NUP107: variants seen among roughly 807,000 people sequenced by gnomAD.
NUP107 encodes the protein nucleoporin 107.
A neutral mutation model predicts 141.0 loss-of-function variants in NUP107; 101 were observed. The ratio of observed to expected loss-of-function variants is 0.72; its 90% confidence interval spans 0.61 to 0.84. The LOEUF is 0.84. NUP107 is among the 40% of genes least tolerant of loss of function. NUP107 has a pLI of 0.00. For synonymous variants in NUP107, 319 were observed against 363.9 expected (o/e 0.88, Z 1.41); for missense variants, 941 against 1,102.7 (o/e 0.85, Z 2.08).
chr12:68,738,281 A>C (rs1402285648), intron 26 of NUP107, among the ~76,000 whole-genome samples: 2 of 151,482 alleles, frequency 1.3e-5, no homozygotes, highest in African/African-American at 4.9e-5. Flanking sequence ...TCTCAAAAAT[A>C]AAAATAAAAA....
chr12:68,721,527 G>T lies in NUP107; in HGVS notation c.1312-314G>T, dbSNP rs551254929. Reference sequence around the variant, plus strand: ...TGAGTCCTTGGGTTGTCTTACATACGCATGTTTTCTCACAACCCACTACTC... The same window carrying T: ...TGAGTCCTTGGGTTGTCTTACATACTCATGTTTTCTCACAACCCACTACTC... On this transcript the variant is annotated intron_variant, in intron 15 of 27. Transcript: ENST00000229179. Among the ~76,000 whole-genome samples the T allele has an allele frequency of 7.5e-4, 114 of 152,046 alleles. 1 individual carries two copies. The highest frequency in any genetic ancestry group is 3.2e-3 in the Admixed American group (49 of 15,254).
intron 6 of NUP107, among the ~76,000 whole-genome samples, chr12:68,698,671 G>T (rs534949237): frequency 2.0e-5 from 3 of 152,168 alleles, no homozygotes; most frequent in African/African-American, 7.2e-5. Flanking sequence ...ATTGCTAAGT[G>T]AAAGAAGCCA....
At chr12:68,735,174 A>G (rs1396261818) in intron 25 of NUP107, 57 bp from the exon 26 acceptor site, 25 of 1,156,906 alleles carry the variant, frequency 2.2e-5, no homozygotes, top group Non-Finnish European at 2.9e-5. Flanking sequence ...GTATTTTCCA[A>G]ATACATTATT....
intron 14 of NUP107, among the ~76,000 whole-genome samples, chr12:68,720,807 A>G (rs1282263464): frequency 1.3e-5 from 2 of 152,190 alleles, no homozygotes; most frequent in African/African-American, 4.8e-5. Flanking sequence ...CTAGGAGTAA[A>G]TAACTATATA....
At chr12:68,706,871 A>G in intron 8 of NUP107, 1 of 755,842 alleles carries the variant, frequency 1.3e-6, no homozygotes, top group Admixed American at 1.7e-5. Context: ...GAAGACCACC[A>G]GCGGCTATTC....
In NUP107 at chr12:68,744,278, C is replaced by T. The variant is rs1036800704; in HGVS notation, c.*1816C>T. On this transcript the variant is annotated 3_prime_UTR_variant, in exon 28 of 28. Transcript: ENST00000229179. ...TGTTGTGCCTTGTTTTTTGAATGTC[C>T]TTTAAAAAACACAGCACAGAAACCC... The T allele has an allele frequency of 2.6e-5, 4 of 152,038 alleles. No individual in the cohort carries two copies. Among genetic ancestry groups the T allele is most frequent in the African/African-American group, 9.7e-5 (4 of 41,398 alleles). 9.4% of individuals were successfully genotyped at this position (152,038 alleles called of 1,614,324 possible).
intron 13 of NUP107, 47 bp downstream of exon 13, chr12:68,719,478 G>A (rs373187433): frequency 6.4e-6 from 10 of 1,567,190 alleles, no homozygotes; most frequent in African/African-American, 4.1e-5. Context: ...AAGGCATTTC[G>A]CTCTAAATGC....
intron 3 of NUP107, 96 bp downstream of exon 3, chr12:68,689,715 A>T (rs576131698): frequency 1.3e-6 from 1 of 784,618 alleles, no homozygotes; most frequent in South Asian, 1.7e-5. Flanking sequence ...TTTGGTTACG[A>T]TATCAATAAG....
chr12:68,696,901 T>C lies in NUP107; in HGVS notation c.531T>C (p.Tyr177=). Residue 177 remains tyrosine (Y), a synonymous_variant, in exon 6 of 28, where the codon TAT becomes TAC. Transcript: ENST00000229179. ...CAGTTTTTGATCTTGTGGAAGAGTA[T>C]GAAAACATCTGTGGTAGTCAGGTAA... ...SSTVFDLVEE[Y]ENICGSQVNI... The C allele has an allele frequency of 6.2e-7, 1 of 1,604,954 alleles. No homozygotes were observed. Among genetic ancestry groups the C allele is most frequent in the Non-Finnish European group, 8.5e-7 (1 of 1,173,888 alleles).
Position 68,735,294 on chromosome 12 carries a change from T to A in NUP107, c.2452T>A (p.Tyr818Asn). ...AACTGCTGATGTGAAGGAGAAAATG[T>A]ATAACGTCTTGTTGTTTGTTGATGG... ...ALTADVKEKM[Y>N]NVLLFVDGGW... is the part of the protein sequence containing the mutation. Residue 818 changes from tyrosine to asparagine, a missense_variant, in exon 26 of 28, where the codon TAT (tyrosine) becomes AAT (asparagine). Transcript: ENST00000229179. 1 of 1,614,090 alleles carries A rather than the reference T, an allele frequency of 6.2e-7. No individual in the cohort carries two copies. The highest frequency in any genetic ancestry group is 1.1e-5 in the South Asian group (1 of 91,072).
intron 26 of NUP107, among the ~76,000 whole-genome samples, chr12:68,739,001 C>T (rs1263837442): frequency 6.6e-6 from 1 of 151,820 alleles, no homozygotes; most frequent in Non-Finnish European, 1.5e-5. Context: ...AATCTTGTGT[C>T]CTACTGCTCT....
At chr12:68,690,888 T>C (rs1477874595) in intron 4 of NUP107, 142 bp downstream of exon 4, 29 of 717,658 alleles carry the variant, frequency 4.0e-5, no homozygotes, top group Non-Finnish European at 4.5e-6. Flanking sequence ...GAGACTAGCC[T>C]GCTTAGCATG....
rs762292438 is a variant in NUP107 at position 68,715,624 on chromosome 12, C to T, written c.970-3C>T. ...TGATGATGACTTTTTTTTCTTCTTA[C>T]AGGACCCTGATGCTCCCATAAGACA... On this transcript the variant is annotated splice_region_variant and splice_polypyrimidine_tract_variant and intron_variant, in intron 11 of 27. Coordinates refer to ENST00000229179, the MANE Select transcript of NUP107 (RefSeq NM_020401.4). 1.9e-6 allele frequency: 3 copies of T among 1,566,224 alleles called. No homozygotes were observed. Among genetic ancestry groups the T allele is most frequent in the East Asian group, 4.5e-5 (2 of 44,574 alleles).
chr12:68,705,569 G>A (rs1001107734), intron 8 of NUP107: 2 of 257,908 alleles, frequency 7.8e-6, no homozygotes, highest in African/African-American at 2.3e-5. Flanking sequence ...CCAAGAAGCA[G>A]CTTCTCTGTT....
intron 2 of NUP107, 128 bp downstream of exon 2, chr12:68,689,181 T>G: frequency 1.7e-6 from 1 of 603,236 alleles, no homozygotes; most frequent in Non-Finnish European, 2.8e-6. Flanking sequence ...TTTTTTTCAC[T>G]CCACAGAGCT....
At chr12:68,713,513 C>G (rs1022698837) in intron 10 of NUP107, among the ~76,000 whole-genome samples, 14 of 151,660 alleles carry the variant, frequency 9.2e-5, no homozygotes, top group Non-Finnish European at 1.5e-5. Flanking sequence ...TGAACTGATA[C>G]ATCACGAAAC....
At chr12:68,716,832 G>A (rs1877135646) in intron 12 of NUP107, among the ~76,000 whole-genome samples, 1 of 152,016 alleles carries the variant, frequency 6.6e-6, no homozygotes, top group Admixed American at 6.6e-5. Context: ...CAGATTCTAT[G>A]TCAGTTCAAA....
intron 3 of NUP107, 105 bp from the exon 4 acceptor site, chr12:68,690,526 A>G: frequency 2.1e-6 from 3 of 1,403,646 alleles, no homozygotes; most frequent in Non-Finnish European, 3.0e-6. Flanking sequence ...GAGTCTAAAT[A>G]ATGGAAAACT....
intron 26 of NUP107, among the ~76,000 whole-genome samples, chr12:68,735,623 C>T (rs200843867): frequency 2.4e-4 from 37 of 152,286 alleles, no homozygotes; most frequent in African/African-American, 7.7e-4. Context: ...ATGTATGTCA[C>T]TCCATTTACA....
Sources: gnomAD v4.1 joint callset for allele counts (sites outside exome capture counted in the v4.1 genomes callset) on GRCh38, gnomAD v4.1.1 for gene constraint, MANE v1.5 for transcripts, NCBI Gene and HGNC (gene_info 2026-07-23, HGNC 2026-07-21) for gene names.